The following CFAP96 variants were observed in gnomAD, a reference collection of about 807,000 sequenced individuals.
The protein encoded by CFAP96 is cilia and flagella associated protein 96.
chr4:185,443,342 A>ATATATATATATATATATATATTTTTTTT, the CFAP96 span, among the ~76,000 whole-genome samples: 1 of 26,730 alleles, frequency 3.7e-5, no homozygotes, highest in African/African-American at 1.2e-4. Context: ...ATATATATAT[A>ATATATATATATATATATATATTTTTTTT]TTTTTTTTTT....
chr4:185,449,210 T>G, the CFAP96 span, among the ~76,000 whole-genome samples: 1 of 151,994 alleles, frequency 6.6e-6, no homozygotes, highest in Non-Finnish European at 1.5e-5. Context: ...AATTTTTTAA[T>G]GAAAATAGTT....
the CFAP96 span, chr4:185,422,648 T>C: frequency 3.5e-6 from 3 of 867,254 alleles, no homozygotes; most frequent in Non-Finnish European, 5.3e-6. Flanking sequence ...AGTTTAGTGT[T>C]AAGACATTAA....
the CFAP96 span, chr4:185,449,655 A>G: frequency 2.6e-6 from 4 of 1,518,242 alleles, no homozygotes; most frequent in African/African-American, 4.2e-5. Flanking sequence ...CAACTGGAAG[A>G]CAAGTAGCTT....
the CFAP96 span, among the ~76,000 whole-genome samples, chr4:185,414,683 A>T: frequency 2.6e-5 from 4 of 152,232 alleles, no homozygotes; most frequent in Non-Finnish European, 5.9e-5. Context: ...AATGCTGGTC[A>T]TGTTTTCTCC....
chr4:185,430,445 C>T, the CFAP96 span, among the ~76,000 whole-genome samples: 1 of 152,162 alleles, frequency 6.6e-6, no homozygotes, highest in Admixed American at 6.6e-5. Context: ...AAAAGGATAT[C>T]TATGAAAATA....
At chr4:185,417,933 A>G in the CFAP96 span, among the ~76,000 whole-genome samples, 4 of 151,852 alleles carry the variant, frequency 2.6e-5, no homozygotes, top group Admixed American at 2.6e-4. Context: ...AATCCCAGCT[A>G]CTCAGGAGGC....
the CFAP96 span, among the ~76,000 whole-genome samples, chr4:185,409,258 A>C: frequency 6.6e-6 from 1 of 152,302 alleles, no homozygotes; most frequent in East Asian, 1.9e-4. Context: ...CGCTAAGTTA[A>C]GGGTCAAAAA....
the CFAP96 span, chr4:185,436,355 A>G: frequency 3.2e-6 from 5 of 1,540,948 alleles, no homozygotes; most frequent in Non-Finnish European, 4.4e-6. Flanking sequence ...AAACTAAAGT[A>G]TAAGGTAAAA....
chr4:185,416,563 T>C, the CFAP96 span, among the ~76,000 whole-genome samples: 17 of 152,330 alleles, frequency 1.1e-4, no homozygotes, highest in African/African-American at 4.1e-4. Context: ...GAAGTGGAAC[T>C]GGAGGTATCA....
chr4:185,438,966 T>C, the CFAP96 span, among the ~76,000 whole-genome samples: 2 of 152,252 alleles, frequency 1.3e-5, no homozygotes, highest in Non-Finnish European at 2.9e-5. Flanking sequence ...TGGCTTTGAA[T>C]AGTTTTCTCA....
At chr4:185,428,570 AC>A in the CFAP96 span, among the ~76,000 whole-genome samples, 13 of 7,310 alleles carry the variant, frequency 1.8e-3, no homozygotes, top group African/African-American at 2.4e-3. Context: ...AAAAAAAAAA[AC>A]AACAACAACA....
At chr4:185,415,226 C>G in the CFAP96 span, 1 of 1,603,998 alleles carries the variant, frequency 6.2e-7, no homozygotes, top group Non-Finnish European at 8.5e-7. Flanking sequence ...TTTTTTTTCC[C>G]TGGTAATAAA....
chr4:185,442,549 C>T, the CFAP96 span, among the ~76,000 whole-genome samples: 1 of 152,078 alleles, frequency 6.6e-6, no homozygotes. Context: ...TCTTGACTTT[C>T]TTTTGCTTTG....
At chr4:185,413,579 T>TA in the CFAP96 span, 1 of 742,716 alleles carries the variant, frequency 1.3e-6, no homozygotes, top group South Asian at 2.8e-5. Flanking sequence ...ACTGCTATCT[T>TA]AAGCAATGTC....
the CFAP96 span, among the ~76,000 whole-genome samples, chr4:185,442,997 G>A: frequency 1.3e-5 from 2 of 152,018 alleles, no homozygotes; most frequent in African/African-American, 4.8e-5. Context: ...CTATGTATAT[G>A]CCTTGTTCTA....
At chr4:185,423,745 T>C in the CFAP96 span, among the ~76,000 whole-genome samples, 1 of 152,138 alleles carries the variant, frequency 6.6e-6, no homozygotes, top group Non-Finnish European at 1.5e-5. Context: ...AAATGACATG[T>C]ATCATTGTTT....
At chr4:185,444,848 CATT>C in the CFAP96 span, 1 of 904,904 alleles carries the variant, frequency 1.1e-6, no homozygotes, top group Non-Finnish European at 1.7e-6. Flanking sequence ...TAAACAGTAT[CATT>C]TTCTTTAAAA....
the CFAP96 span, among the ~76,000 whole-genome samples, chr4:185,424,842 C>T: frequency 6.6e-6 from 1 of 152,212 alleles, no homozygotes; most frequent in African/African-American, 2.4e-5. Context: ...AAATACACAA[C>T]TTCCCAGGGT....
the CFAP96 span, among the ~76,000 whole-genome samples, chr4:185,412,246 T>A: frequency 6.6e-6 from 1 of 152,294 alleles, no homozygotes; most frequent in Middle Eastern, 3.4e-3. Flanking sequence ...CAAAAAGCAA[T>A]CAGTACTCAT....
Sources: gnomAD v4.1 joint callset for allele counts (sites outside exome capture counted in the v4.1 genomes callset) on GRCh38, gnomAD v4.1.1 for gene constraint, MANE v1.5 for transcripts, NCBI Gene and HGNC (gene_info 2026-07-23, HGNC 2026-07-21) for gene names.